Variants in KCNQ3 observed in about 807,000 individuals in gnomAD.
KCNQ3 encodes potassium voltage-gated channel subfamily Q member 3, also known as potassium voltage-gated channel subfamily KQT member 3.
KCNQ3 carries 30 observed loss-of-function variants against 92.5 expected under a neutral mutation model. The ratio of observed to expected loss-of-function variants is 0.32; its 90% CI spans 0.24 to 0.44. KCNQ3 has a LOEUF of 0.44. Among genes scored for constraint, KCNQ3 ranks in the 20% least tolerant of loss-of-function variants. The probability of loss-of-function intolerance (pLI) is 1.00; values close to 1 mark genes in which losing one functional copy is unlikely to be tolerated. For synonymous variants in KCNQ3, 450 were observed against 468.8 expected (o/e 0.96, Z 0.52); for missense variants, 913 against 1,140.3 (o/e 0.80, Z 2.87).
At chr8:132,324,788 G>T (rs1464222804) in intron 1 of KCNQ3, among the ~76,000 whole-genome samples, 1 of 152,140 alleles carries the variant, frequency 6.6e-6, no homozygotes, top group East Asian at 1.9e-4. Context: ...GTGAGCTAGT[G>T]ATGGCTCCAA....
At chr8:132,337,804 C>A (rs1216859000) in intron 1 of KCNQ3, among the ~76,000 whole-genome samples, 3 of 152,222 alleles carry the variant, frequency 2.0e-5, no homozygotes, top group African/African-American at 7.2e-5. Context: ...ATATTCAATG[C>A]ATATTGCCCC....
chr8:132,322,664 G>A (rs770221433), intron 1 of KCNQ3, among the ~76,000 whole-genome samples: 1 of 152,184 alleles, frequency 6.6e-6, no homozygotes. Flanking sequence ...TCAGACAGGC[G>A]AAACTGGGCA....
chr8:132,159,153 C>A (rs1825903565), intron 9 of KCNQ3, among the ~76,000 whole-genome samples: 1 of 152,158 alleles, frequency 6.6e-6, no homozygotes, highest in Non-Finnish European at 1.5e-5. Context: ...AAATGATGGA[C>A]CTAACACAAA....
At chr8:132,373,998 C>T (rs576733831) in intron 1 of KCNQ3, among the ~76,000 whole-genome samples, 2 of 152,226 alleles carry the variant, frequency 1.3e-5, no homozygotes, top group Admixed American at 1.3e-4. Flanking sequence ...TGCATGTTCT[C>T]CCGGGTGCCA....
At chr8:132,355,730 G>C (rs567815474) in intron 1 of KCNQ3, among the ~76,000 whole-genome samples, 2 of 152,310 alleles carry the variant, frequency 1.3e-5, no homozygotes, top group Admixed American at 6.5e-5. Flanking sequence ...ATGGTCTGCT[G>C]ACATGAGCTC....
intron 1 of KCNQ3, among the ~76,000 whole-genome samples, chr8:132,381,446 G>T (rs1037748802): frequency 2.0e-5 from 3 of 152,196 alleles, no homozygotes; most frequent in Non-Finnish European, 4.4e-5. Context: ...CCAAACAAGA[G>T]CTGTAGAGAA....
chr8:132,410,701 AAC>A (rs1375454517), intron 1 of KCNQ3, among the ~76,000 whole-genome samples: 1 of 152,242 alleles, frequency 6.6e-6, no homozygotes, highest in Non-Finnish European at 1.5e-5. Context: ...TGCAGAAACT[AAC>A]AGTCACATTT....
In KCNQ3 at chr8:132,398,017, C is replaced by T. The variant is rs780132765; in HGVS notation, c.386+82130G>A. ...ATACACCTTTCTTTGTGTCTTCGGG[C>T]GGTTACACAAGGGTAGCAAGGGAAA... is the stretch of plus-strand genomic sequence containing the variant. On this transcript the variant is annotated intron_variant, in intron 1 of 14. Coordinates refer to ENST00000388996, the MANE Select transcript of KCNQ3 (RefSeq NM_004519.4). Among the ~76,000 whole-genome samples, 6 of 152,128 alleles carry T rather than the reference C, an allele frequency of 3.9e-5. No homozygotes were observed. In the South Asian group the frequency reaches 8.3e-4, roughly 21 times the overall value.
intron 1 of KCNQ3, among the ~76,000 whole-genome samples, chr8:132,445,929 C>T (rs772126903): frequency 2.0e-5 from 3 of 152,138 alleles, no homozygotes; most frequent in Non-Finnish European, 4.4e-5. Flanking sequence ...GCCTATTAAA[C>T]ACTTTATAAT....
chr8:132,394,027 T>C (rs58076975), intron 1 of KCNQ3, among the ~76,000 whole-genome samples: 4,090 of 152,168 alleles, frequency 0.027, 195 homozygotes, highest in African/African-American at 0.093. Flanking sequence ...AGACCCAGGC[T>C]CCACAAGACA....
intron 1 of KCNQ3, among the ~76,000 whole-genome samples, chr8:132,379,515 T>C (rs1819690305): frequency 6.6e-6 from 1 of 152,174 alleles, no homozygotes; most frequent in Non-Finnish European, 1.5e-5. Context: ...ACCCTCCCAC[T>C]GATGCCCACA....
At chr8:132,314,858 T>A (rs1817693967) in intron 1 of KCNQ3, among the ~76,000 whole-genome samples, 2 of 152,180 alleles carry the variant, frequency 1.3e-5, no homozygotes, top group Non-Finnish European at 2.9e-5. Flanking sequence ...TCAGATGAAC[T>A]AGCAAGGTAA....
At chr8:132,383,268 C>T (rs1010040797) in intron 1 of KCNQ3, among the ~76,000 whole-genome samples, 3 of 152,212 alleles carry the variant, frequency 2.0e-5, no homozygotes, top group Non-Finnish European at 2.9e-5. Context: ...TGAGGCCACA[C>T]GGCAGGCAGG....
chr8:132,398,780 A>G lies in KCNQ3; in HGVS notation c.386+81367T>C, dbSNP rs571350575. ...AGATGAGCCTGAAGCAAAGGGAGAG[A>G]AGGAAGCCAGCAAATAAATTAGGCA... On this transcript the variant is annotated intron_variant, in intron 1 of 14. Transcript: ENST00000388996. 2.6e-5 allele frequency among the ~76,000 whole-genome samples: 4 copies of G among 152,304 alleles called. No individual in the cohort carries two copies. The East Asian group carries it at 7.7e-4, about 29-fold the overall frequency.
intron 1 of KCNQ3, 34 bp downstream of exon 1, chr8:132,480,113 C>T: frequency 6.3e-7 from 1 of 1,599,114 alleles, no homozygotes; most frequent in Non-Finnish European, 8.5e-7. Context: ...AAGCGCGCCG[C>T]CGCCGAGGGC....
In KCNQ3 at chr8:132,346,319, T is replaced by C. The variant is rs796221654; in HGVS notation, c.386+133828A>G. 1.2e-4 allele frequency among the ~76,000 whole-genome samples: 19 copies of C among 152,340 alleles called. 1 individual carries two copies. Among genetic ancestry groups the C allele is most frequent in the African/African-American group, 4.6e-4 (19 of 41,580 alleles). ...CAGATTGGCATTTCCACACTGGTTTTCTCTGGCTACATTTCTTCTGCCTCT... is the reference window on the plus strand; with the variant it reads ...CAGATTGGCATTTCCACACTGGTTTCCTCTGGCTACATTTCTTCTGCCTCT... On this transcript the variant is annotated intron_variant, in intron 1 of 14. Coordinates refer to ENST00000388996, the MANE Select transcript of KCNQ3 (RefSeq NM_004519.4).
At chr8:132,467,566 C>G (rs993983220) in intron 1 of KCNQ3, among the ~76,000 whole-genome samples, 6 of 152,114 alleles carry the variant, frequency 3.9e-5, no homozygotes, top group Non-Finnish European at 7.4e-5. Context: ...AAAGAGAAGC[C>G]TTCCTTGGCA....
chr8:132,245,489 A>G (rs1255852259), intron 1 of KCNQ3, among the ~76,000 whole-genome samples: 1 of 152,220 alleles, frequency 6.6e-6, no homozygotes, highest in Non-Finnish European at 1.5e-5. Context: ...GACTCTAAAT[A>G]TGCAAGTGTG....
At chr8:132,296,859 T>C (rs895457364) in intron 1 of KCNQ3, among the ~76,000 whole-genome samples, 3 of 152,034 alleles carry the variant, frequency 2.0e-5, no homozygotes, top group East Asian at 1.9e-4. Context: ...TACGTGTGCA[T>C]GTGTCTTTAT....
Sources: gnomAD v4.1 joint callset for allele counts (sites outside exome capture counted in the v4.1 genomes callset) on GRCh38, gnomAD v4.1.1 for gene constraint, MANE v1.5 for transcripts, NCBI Gene and HGNC (gene_info 2026-07-23, HGNC 2026-07-21) for gene names.